ELP3: variants seen among roughly 807,000 people sequenced by gnomAD.
The protein encoded by ELP3 is elongator complex protein 3.
ELP3 carries 56 observed loss-of-function variants against 74.9 expected under a neutral mutation model. The ratio of observed to expected loss-of-function variants is 0.75; its 90% confidence interval spans 0.60 to 0.93. ELP3 has a LOEUF of 0.93. Ranked by LOEUF, ELP3 falls within the 40% of genes least tolerant of loss-of-function variation. ELP3 has a pLI of 0.00. For synonymous variants in ELP3, 222 were observed against 239.8 expected (o/e 0.93, Z 0.68); for missense variants, 573 against 686.5 (o/e 0.83, Z 1.85).
intron 10 of ELP3, among the ~76,000 whole-genome samples, chr8:28,142,492 A>T (rs3757890): frequency 0.071 from 10,876 of 152,274 alleles, 770 homozygotes; most frequent in East Asian, 0.33. Context: ...TACTTCACAC[A>T]TAGGTGGGTG....
At position 28,132,314 on chromosome 8, in the gene ELP3, C is replaced by T; in HGVS notation, c.816C>T (p.His272=). 1 of 1,614,132 alleles carries T rather than the reference C, an allele frequency of 6.2e-7. No individual in the cohort carries two copies. The highest frequency in any genetic ancestry group is 1.1e-5 in the South Asian group (1 of 91,082). The change falls in exon 9 of 15, where the codon CAC becomes CAT. Residue 272 remains histidine, a synonymous_variant. Coordinates refer to ENST00000256398, the MANE Select transcript of ELP3 (RefSeq NM_018091.6). ...TGAAGGCAGTGTGTGAGTCATTTCA[C>T]CTGGCCAAAGATTCCGGTTTTAAAG... is the stretch of plus-strand genomic sequence containing the variant. ...HTVKAVCESF[H]LAKDSGFKVV...
upstream of ELP3, among the ~76,000 whole-genome samples, chr8:28,091,578 C>A (rs117128137): frequency 2.4e-3 from 372 of 152,274 alleles, 2 homozygotes; most frequent in Non-Finnish European, 4.5e-3. Flanking sequence ...GGTACATATT[C>A]CTGTCTTTAT....
intron 8 of ELP3, 70 bp from the exon 9 acceptor site, chr8:28,132,208 C>T: frequency 1.3e-6 from 2 of 1,525,196 alleles, no homozygotes; most frequent in East Asian, 2.3e-5. Flanking sequence ...CTTTGTCACC[C>T]ATTTATTTGT....
At chr8:28,093,065 T>G, upstream of ELP3, 6 of 1,301,300 alleles carry the variant, frequency 4.6e-6, no homozygotes, top group Non-Finnish European at 6.5e-6. Flanking sequence ...GGGCGTGGCT[T>G]TGTGCACGTC....
At chr8:28,183,577 C>G (rs1482822698) in intron 14 of ELP3, among the ~76,000 whole-genome samples, 1 of 152,190 alleles carries the variant, frequency 6.6e-6, no homozygotes, top group East Asian at 1.9e-4. Context: ...GCACTCACCA[C>G]CACACCCAGC....
chr8:28,159,549 T>C (rs1315720515), intron 12 of ELP3, among the ~76,000 whole-genome samples: 1 of 152,232 alleles, frequency 6.6e-6, no homozygotes, highest in African/African-American at 2.4e-5. Context: ...GCAATATTGT[T>C]ACATATGGCT....
At chr8:28,121,236 C>T (rs1812353725) in intron 7 of ELP3, among the ~76,000 whole-genome samples, 1 of 151,600 alleles carries the variant, frequency 6.6e-6, no homozygotes, top group South Asian at 2.1e-4. Context: ...CTTTTGTAAA[C>T]AAATTCTTTC....
At chr8:28,180,772 C>T (rs1028031896) in intron 14 of ELP3, among the ~76,000 whole-genome samples, 2 of 152,168 alleles carry the variant, frequency 1.3e-5, no homozygotes, top group African/African-American at 2.4e-5. Context: ...ATTCCTATCC[C>T]CACCACACCA....
intron 14 of ELP3, among the ~76,000 whole-genome samples, chr8:28,184,117 T>C (rs948295232): frequency 3.2e-4 from 49 of 152,310 alleles, no homozygotes; most frequent in Non-Finnish European, 2.8e-4. Context: ...GCAGGGGTAA[T>C]GCCTTTCCCA....
Position 28,137,637 on chromosome 8 carries a change from T to C in ELP3, c.907-61T>C, listed in dbSNP as rs1813039493. The C allele has an allele frequency of 3.2e-6, 5 of 1,547,272 alleles. No homozygotes were observed. The Admixed American group carries it at 9.6e-5, about 30-fold the overall frequency. On this transcript the variant is annotated intron_variant, in intron 9 of 14. Coordinates refer to ENST00000256398, the MANE Select transcript of ELP3 (RefSeq NM_018091.6). ...CAGAGAAGCTGTCAGGGGTTGAGATTTCACCCTCGGTGATCTCTGCATAAC... is the reference window on the plus strand; with the variant it reads ...CAGAGAAGCTGTCAGGGGTTGAGATCTCACCCTCGGTGATCTCTGCATAAC...
intron 12 of ELP3, 58 bp from the exon 13 acceptor site, chr8:28,160,171 A>G: frequency 6.7e-7 from 1 of 1,490,022 alleles, no homozygotes; most frequent in Non-Finnish European, 9.1e-7. Context: ...TACAATTACA[A>G]AAATGAATTT....
At chr8:28,140,353 A>G (rs966108729) in intron 10 of ELP3, among the ~76,000 whole-genome samples, 28 of 152,332 alleles carry the variant, frequency 1.8e-4, no homozygotes, top group African/African-American at 6.3e-4. Flanking sequence ...AAATATTGAT[A>G]TTAACAGATT....
chr8:28,108,007 A>T, intron 5 of ELP3, 31 bp downstream of exon 5: 3 of 1,565,132 alleles, frequency 1.9e-6, no homozygotes, highest in Non-Finnish European at 2.6e-6. Flanking sequence ...TCCTGATGAA[A>T]TGTTGCATCA....
chr8:28,124,799 C>T (rs11136032), intron 7 of ELP3, among the ~76,000 whole-genome samples: 77,621 of 151,934 alleles, frequency 0.51, 20,570 homozygotes, highest in East Asian at 0.89. Context: ...TTTGATTAGT[C>T]TGTAAGCTGC....
chr8:28,106,660 A>T, intron 3 of ELP3, 53 bp from the exon 4 acceptor site: 7 of 1,451,166 alleles, frequency 4.8e-6, no homozygotes, highest in Non-Finnish European at 6.7e-6. Flanking sequence ...CACTCTGTGG[A>T]GTTTTATATT....
intron 14 of ELP3, among the ~76,000 whole-genome samples, chr8:28,172,845 G>T (rs966136647): frequency 5.3e-5 from 8 of 152,050 alleles, no homozygotes; most frequent in African/African-American, 1.9e-4. Context: ...TTTTTATCAT[G>T]AATGGGTTGT....
At chr8:28,142,582 G>C (rs1020465586) in intron 10 of ELP3, among the ~76,000 whole-genome samples, 1 of 152,196 alleles carries the variant, frequency 6.6e-6, no homozygotes, top group Non-Finnish European at 1.5e-5. Context: ...TAATGTCCTC[G>C]ATGAGTCTGA....
rs569434643 is a variant in ELP3, at chr8:28,173,712, T to C, written c.1567+11634T>C. Among the ~76,000 whole-genome samples the C allele has an allele frequency of 1.3e-4, 20 of 152,082 alleles. No homozygotes were observed. The East Asian group carries it at 3.5e-3, about 26-fold the overall frequency. On this transcript the variant is annotated intron_variant, in intron 14 of 14. Transcript: ENST00000256398. ...TTTTAAAATCCCAAATGTGATCATA[T>C]GTATCTGCTTTTTTCATGTGAGCAT...
At chr8:28,106,451 A>C (rs1457356944) in intron 3 of ELP3, among the ~76,000 whole-genome samples, 1 of 149,596 alleles carries the variant, frequency 6.7e-6, no homozygotes, top group Non-Finnish European at 1.5e-5. Flanking sequence ...GAGGCAGGAG[A>C]ATGGCGTGAA....
Sources: gnomAD v4.1 joint callset for allele counts (sites outside exome capture counted in the v4.1 genomes callset) on GRCh38, gnomAD v4.1.1 for gene constraint, MANE v1.5 for transcripts, NCBI Gene and HGNC (gene_info 2026-07-23, HGNC 2026-07-21) for gene names.